Variants in NEGR1 observed in about 807,000 individuals in gnomAD.
The protein encoded by NEGR1 is IgLON family member 4.
In NEGR1, 10 loss-of-function variants were observed where a neutral mutation model predicts 40.9. The ratio of observed to expected loss-of-function variants is 0.24; its 90% CI spans 0.15 to 0.42. NEGR1 has a LOEUF of 0.42. NEGR1 is among the 10% of genes least tolerant of loss of function. The pLI is 1.00. For missense variants in NEGR1, 352 were observed against 438.9 expected, an observed-to-expected ratio of 0.80 and a Z score of 1.77; for synonymous variants, 185 against 166.8, an observed-to-expected ratio of 1.11 and a Z score of -0.84.
chr1:72,187,376 C>G (rs1358185802), intron 1 of NEGR1, among the ~76,000 whole-genome samples: 1 of 151,334 alleles, frequency 6.6e-6, no homozygotes, highest in Non-Finnish European at 1.5e-5. Context: ...ACACAGTATT[C>G]AAAATATGTT....
chr1:71,600,352 T>C (rs925012119), intron 5 of NEGR1, among the ~76,000 whole-genome samples: 1 of 152,034 alleles, frequency 6.6e-6, no homozygotes, highest in African/African-American at 2.4e-5. Flanking sequence ...GCAGGAGAGA[T>C]GAAAAAGTAA....
intron 3 of NEGR1, among the ~76,000 whole-genome samples, chr1:71,705,681 C>G (rs994116150): frequency 5.9e-5 from 9 of 151,422 alleles, no homozygotes; most frequent in Admixed American, 1.3e-4. Flanking sequence ...GATCGCGCCA[C>G]TGCACTCCAG....
At chr1:71,952,412 T>C (rs1009317289) in intron 1 of NEGR1, among the ~76,000 whole-genome samples, 3 of 151,812 alleles carry the variant, frequency 2.0e-5, no homozygotes, top group Non-Finnish European at 4.4e-5. Context: ...TAATCCAGAG[T>C]ATGGCTCTAA....
At chr1:72,133,390 T>C (rs1650329178) in intron 1 of NEGR1, among the ~76,000 whole-genome samples, 1 of 152,066 alleles carries the variant, frequency 6.6e-6, no homozygotes. Flanking sequence ...GTGTTTTCTG[T>C]AAGAAATTCT....
chr1:71,576,842 T>C (rs1248285195), intron 6 of NEGR1, among the ~76,000 whole-genome samples: 2 of 152,168 alleles, frequency 1.3e-5, no homozygotes, highest in Non-Finnish European at 2.9e-5. Context: ...AAGTATAGAT[T>C]TGATGCTTTG....
intron 1 of NEGR1, among the ~76,000 whole-genome samples, chr1:71,946,018 G>GT (rs1241893619): frequency 6.6e-6 from 1 of 152,108 alleles, no homozygotes; most frequent in East Asian, 1.9e-4. Flanking sequence ...GCCCATTAAT[G>GT]TAAGTAAAGG....
At chr1:71,630,097 A>G (rs1001858692) in intron 4 of NEGR1, among the ~76,000 whole-genome samples, 2 of 152,024 alleles carry the variant, frequency 1.3e-5, no homozygotes, top group African/African-American at 4.8e-5. Context: ...ATATAGAGCT[A>G]TATTTTGCTC....
chr1:72,106,913 A>G (rs1649156980), intron 1 of NEGR1, among the ~76,000 whole-genome samples: 1 of 151,924 alleles, frequency 6.6e-6, no homozygotes, highest in Non-Finnish European at 1.5e-5. Flanking sequence ...GTTTCATGTC[A>G]TGAATTCAGG....
intron 3 of NEGR1, among the ~76,000 whole-genome samples, chr1:71,767,803 C>T (rs1656183970): frequency 6.6e-6 from 1 of 152,232 alleles, no homozygotes; most frequent in Non-Finnish European, 1.5e-5. Context: ...AGGCCCAGGG[C>T]CGAGCTGCCT....
In NEGR1 at chr1:72,022,615, T is replaced by C. The variant is rs112575657; in HGVS notation, c.177-87304A>G. On this transcript the variant is annotated intron_variant, in intron 1 of 6. Coordinates refer to ENST00000357731, the MANE Select transcript of NEGR1 (RefSeq NM_173808.3). ...AAGGACATAAACTAAAAGGCTACAA[T>C]AGATATTGTCAATAGTAAAAGCTAA... is the stretch of plus-strand genomic sequence containing the variant. Among the ~76,000 whole-genome samples the C allele has an allele frequency of 4.6e-5, 7 of 151,638 alleles. No homozygotes were observed. The South Asian group carries it at 1.0e-3, about 22-fold the overall frequency.
intron 5 of NEGR1, among the ~76,000 whole-genome samples, chr1:71,599,183 C>T (rs1335207095): frequency 1.3e-5 from 2 of 151,962 alleles, no homozygotes; most frequent in East Asian, 3.9e-4. Context: ...ACATATATGC[C>T]AAATGCAGTA....
chr1:71,614,765 T>C (rs1211641526), intron 4 of NEGR1, among the ~76,000 whole-genome samples: 1 of 152,164 alleles, frequency 6.6e-6, no homozygotes, highest in African/African-American at 2.4e-5. Context: ...ACCGGAACAT[T>C]GCCTGAAAAC....
intron 1 of NEGR1, among the ~76,000 whole-genome samples, chr1:72,104,085 G>GT (rs11450166): frequency 0.27 from 40,427 of 151,716 alleles, 6,152 homozygotes; most frequent in African/African-American, 0.41. Flanking sequence ...TTTTGGATTT[G>GT]TTTTTTTCCA....
At chr1:71,881,045 C>T (rs1660570199) in intron 2 of NEGR1, among the ~76,000 whole-genome samples, 1 of 151,868 alleles carries the variant, frequency 6.6e-6, no homozygotes. Context: ...TTTATTGACT[C>T]ATCTTACCTT....
chr1:71,450,084 G>T (rs912985863), intron 6 of NEGR1, among the ~76,000 whole-genome samples: 2 of 151,188 alleles, frequency 1.3e-5, no homozygotes, highest in Non-Finnish European at 2.9e-5. Context: ...TCCACCTCCT[G>T]GGTTCAAGCG....
chr1:71,679,193 C>T (rs1420949551), intron 4 of NEGR1, among the ~76,000 whole-genome samples: 2 of 152,076 alleles, frequency 1.3e-5, no homozygotes, highest in Non-Finnish European at 2.9e-5. Flanking sequence ...TCTATCCATG[C>T]TTCTTTAGGA....
chr1:71,507,752 C>T (rs1244960498), intron 6 of NEGR1, among the ~76,000 whole-genome samples: 1 of 152,122 alleles, frequency 6.6e-6, no homozygotes, highest in Non-Finnish European at 1.5e-5. Flanking sequence ...AGCCACTTTA[C>T]CTCAAGGGTG....
intron 1 of NEGR1, among the ~76,000 whole-genome samples, chr1:72,154,164 G>A (rs1468043603): frequency 6.6e-6 from 1 of 151,650 alleles, no homozygotes; most frequent in African/African-American, 2.4e-5. Context: ...CAAGAGATGA[G>A]CATGTATACA....
chr1:71,471,558 A>G (rs939092402), intron 6 of NEGR1, among the ~76,000 whole-genome samples: 2 of 152,100 alleles, frequency 1.3e-5, no homozygotes, highest in African/African-American at 4.8e-5. Flanking sequence ...AGGCCAGAGA[A>G]TCATTTGAAC....
Sources: allele counts gnomAD v4.1 joint callset (sites outside exome capture counted in the v4.1 genomes callset), GRCh38; gene constraint gnomAD v4.1.1; transcripts MANE v1.5; gene names NCBI Gene and HGNC (gene_info 2026-07-23, HGNC 2026-07-21).